SLC25A53: variants seen among roughly 807,000 people sequenced by gnomAD.
SLC25A53 encodes the protein mitochondrial carrier triple repeat protein 6.
A neutral mutation model predicts 15.0 loss-of-function variants in SLC25A53; 5 were observed. The ratio of observed to expected loss-of-function variants is 0.33; its 90% CI spans 0.17 to 0.70. The LOEUF is 0.70. Ranked by LOEUF, SLC25A53 falls within the 30% of genes least tolerant of loss-of-function variation. SLC25A53 has a pLI of 0.67. For synonymous variants in SLC25A53, 95 were observed against 100.0 expected (o/e 0.95, Z 0.30); for missense variants, 216 against 241.6 (o/e 0.89, Z 0.70).
intron 1 of SLC25A53, among the ~76,000 whole-genome samples, chrX:104,105,581 G>A (rs1435022687): frequency 7.1e-5 from 8 of 112,210 alleles, no homozygotes; most frequent in Non-Finnish European, 1.1e-4. Flanking sequence ...AAATAGAGGA[G>A]GGGAAGACTC....
chrX:104,139,622 T>C (rs2075445635), intron 1 of SLC25A53, among the ~76,000 whole-genome samples: 1 of 111,818 alleles, frequency 8.9e-6, no homozygotes, highest in Admixed American at 9.5e-5. Context: ...GAGACCATCC[T>C]GGCCAACATG....
In SLC25A53 at chrX:104,115,267, G is replaced by A. The variant is rs961615015; in HGVS notation, c.-31-9979C>T. Reference sequence around the variant, plus strand: ...CACCCTGCAGGAGCTGACACATACAGAGGAGAGGTCAAAAGAGGTCCCTGG... The same window carrying A: ...CACCCTGCAGGAGCTGACACATACAAAGGAGAGGTCAAAAGAGGTCCCTGG... On this transcript the variant is annotated intron_variant, in intron 1 of 1. Coordinates refer to ENST00000594199, the MANE Select transcript of SLC25A53 (RefSeq NM_001012755.5). 5 of 1,193,120 alleles carry A rather than the reference G, an allele frequency of 4.2e-6. No individual in the cohort carries two copies. Among genetic ancestry groups the A allele is most frequent in the Non-Finnish European group, 5.6e-6 (5 of 885,636 alleles).
intron 1 of SLC25A53, chrX:104,114,727 C>T: frequency 1.7e-6 from 2 of 1,211,915 alleles, no homozygotes; most frequent in Non-Finnish European, 2.2e-6. Context: ...GCAGGAGCGG[C>T]TTCCCAATTT....
chrX:104,133,492 G>A (rs1054460405), intron 1 of SLC25A53, among the ~76,000 whole-genome samples: 4 of 111,025 alleles, frequency 3.6e-5, no homozygotes, highest in Non-Finnish European at 7.5e-5. Context: ...AGCACCCACC[G>A]ACACTGTCTT....
intron 1 of SLC25A53, among the ~76,000 whole-genome samples, chrX:104,138,251 A>T: frequency 8.9e-6 from 1 of 111,767 alleles, no homozygotes; most frequent in Middle Eastern, 4.6e-3. Context: ...TACAAAAAAA[A>T]AACAAAATTT....
At chrX:104,115,310 C>T in intron 1 of SLC25A53, 16 of 1,165,765 alleles carry the variant, frequency 1.4e-5, no homozygotes, top group Non-Finnish European at 1.8e-5. Flanking sequence ...AGTGATGCTT[C>T]TGAGCCACAG....
chrX:104,152,382 C>T (rs1265964726), intron 1 of SLC25A53, among the ~76,000 whole-genome samples: 1 of 109,040 alleles, frequency 9.2e-6, no homozygotes, highest in Non-Finnish European at 1.9e-5. Flanking sequence ...CCAGCTTCAT[C>T]CATGTCCCTA....
In SLC25A53 at chrX:104,100,583, A is replaced by G. The variant is rs1432458234; in HGVS notation, c.*3751T>C. 7 of 112,163 alleles carry G rather than the reference A, an allele frequency of 6.2e-5. No homozygotes were observed. The highest frequency in any genetic ancestry group is 1.1e-4 in the Non-Finnish European group (6 of 53,317). 9.2% of individuals were successfully genotyped at this position (112,163 alleles called of 1,213,427 possible). On this transcript the variant is annotated 3_prime_UTR_variant, in exon 2 of 2. Coordinates refer to ENST00000594199, the MANE Select transcript of SLC25A53 (RefSeq NM_001012755.5). ...TCTGTATAATTTTACAATATTGCCT[A>G]GGATTTCATATGAACCGATTTGAAA...
chrX:104,099,649 A>G lies in SLC25A53; in HGVS notation c.*4685T>C, dbSNP rs1329260944. Reference sequence around the variant, plus strand: ...CATCTGTAAAACAAAACTGTTGTTTAGAGATGCTTATAAGGAAGAAAACTT... The same window carrying G: ...CATCTGTAAAACAAAACTGTTGTTTGGAGATGCTTATAAGGAAGAAAACTT... On this transcript the variant is annotated 3_prime_UTR_variant, in exon 2 of 2. Coordinates refer to ENST00000594199, the MANE Select transcript of SLC25A53 (RefSeq NM_001012755.5). The G allele has an allele frequency of 1.6e-4, 18 of 112,371 alleles. No individual in the cohort carries two copies. The highest frequency in any genetic ancestry group is 1.9e-5 in the Non-Finnish European group (1 of 53,304). The allele number at this position is 112,371 out of a possible 1,213,427, so 9.3% of individuals were successfully genotyped here. A position where few individuals can be genotyped will look rare whatever the true frequency, so the allele number is the denominator to read the frequency against.
intron 1 of SLC25A53, among the ~76,000 whole-genome samples, chrX:104,146,630 A>G (rs2075467948): frequency 8.9e-6 from 1 of 111,866 alleles, no homozygotes; most frequent in Admixed American, 9.5e-5. Context: ...AAATCAATGT[A>G]CAAAAATCAC....
At chrX:104,131,044 T>C (rs2075424486) in intron 1 of SLC25A53, 1 of 112,019 alleles carries the variant, frequency 8.9e-6, no homozygotes, top group Non-Finnish European at 1.9e-5. Context: ...CTCAGTGGTA[T>C]CCAGCTGGCT....
chrX:104,119,176 A>T (rs781840901), intron 1 of SLC25A53, among the ~76,000 whole-genome samples: 5 of 112,403 alleles, frequency 4.4e-5, no homozygotes, highest in Non-Finnish European at 7.5e-5. Context: ...CCTTTCTCCC[A>T]TGACACTAAA....
At chrX:104,144,538 G>A (rs907400885) in intron 1 of SLC25A53, among the ~76,000 whole-genome samples, 4 of 111,701 alleles carry the variant, frequency 3.6e-5, no homozygotes, top group Non-Finnish European at 5.6e-5. Context: ...CTGGCCTTCT[G>A]CATCGATCTC....
chrX:104,142,332 T>C (rs2075452936), intron 1 of SLC25A53, among the ~76,000 whole-genome samples: 1 of 112,201 alleles, frequency 8.9e-6, no homozygotes, highest in Non-Finnish European at 1.9e-5. Flanking sequence ...TCTCACACAA[T>C]GAGACAGAGA....
chrX:104,152,368 G>A (rs2075487497), intron 1 of SLC25A53, among the ~76,000 whole-genome samples: 1 of 108,086 alleles, frequency 9.3e-6, no homozygotes, highest in South Asian at 4.2e-4. Context: ...GAGAATGATG[G>A]TTTCCAGCTT....
intron 1 of SLC25A53, chrX:104,114,236 A>T (rs781993457): frequency 8.1e-5 from 98 of 1,207,052 alleles, no homozygotes; most frequent in Non-Finnish European, 1.1e-4. Context: ...AAAATGGCAG[A>T]GAGAAACATG....
intron 1 of SLC25A53, among the ~76,000 whole-genome samples, chrX:104,120,046 G>C (rs1439223090): frequency 9.0e-6 from 1 of 111,699 alleles, no homozygotes; most frequent in South Asian, 3.8e-4. Context: ...GTTGCATGCG[G>C]CATCGGTTCA....
intron 1 of SLC25A53, among the ~76,000 whole-genome samples, chrX:104,139,091 T>G (rs1411886822): frequency 1.8e-5 from 2 of 112,762 alleles, no homozygotes; most frequent in Non-Finnish European, 3.8e-5. Flanking sequence ...CACTCTTCCC[T>G]CCTTCCATAT....
chrX:104,136,046 G>A (rs2075435740), intron 1 of SLC25A53, among the ~76,000 whole-genome samples: 1 of 110,956 alleles, frequency 9.0e-6, no homozygotes, highest in Admixed American at 9.7e-5. Context: ...TTTGAATACT[G>A]AAAAGATGCC....
Sources: allele counts gnomAD v4.1 joint callset (sites outside exome capture counted in the v4.1 genomes callset), GRCh38; gene constraint gnomAD v4.1.1; transcripts MANE v1.5; gene names NCBI Gene and HGNC (gene_info 2026-07-23, HGNC 2026-07-21).